The following ACSBG1 variants were observed in gnomAD, a reference collection of about 807,000 sequenced individuals.
The protein encoded by ACSBG1 is long-chain-fatty-acid--CoA ligase ACSBG1.
Under a neutral mutation model 80.2 loss-of-function variants are expected in ACSBG1, and 39 were observed. The ratio of observed to expected loss-of-function variants is 0.49; its 90% CI spans 0.38 to 0.64. ACSBG1 has a LOEUF of 0.64. Among genes scored for constraint, ACSBG1 ranks in the 30% least tolerant of loss-of-function variants. ACSBG1 has a pLI of 0.00. For synonymous variants in ACSBG1, 392 were observed against 379.5 expected, an observed-to-expected ratio of 1.03 and a Z score of -0.38; for missense variants, 828 against 966.4, an observed-to-expected ratio of 0.86 and a Z score of 1.90.
intron 1 of ACSBG1, among the ~76,000 whole-genome samples, chr15:78,229,487 T>C (rs1425097610): frequency 6.6e-6 from 1 of 152,158 alleles, no homozygotes; most frequent in Non-Finnish European, 1.5e-5. Flanking sequence ...GCACTCTCTG[T>C]CATCCTGGGA....
intron 10 of ACSBG1, 73 bp downstream of exon 10, chr15:78,179,477 C>T: frequency 1.4e-6 from 2 of 1,387,246 alleles, no homozygotes; most frequent in Non-Finnish European, 2.0e-6. Flanking sequence ...ATCCCCAGGG[C>T]ACTCAGCAGG....
At chr15:78,210,101 CG>C (rs1269303969) in intron 1 of ACSBG1, among the ~76,000 whole-genome samples, 3 of 152,196 alleles carry the variant, frequency 2.0e-5, no homozygotes. Flanking sequence ...CTTCTTGCTG[CG>C]GGTGGGTGCC....
chr15:78,171,442 G>T lies in ACSBG1; in HGVS notation c.*2C>A. 6.2e-7 allele frequency: 1 copy of T among 1,613,340 alleles called. No individual in the cohort carries two copies. Among genetic ancestry groups the T allele is most frequent in the South Asian group, 1.1e-5 (1 of 91,034 alleles). ...TATAGAAACTGCAGGCATAGGCCCT[G>T]ATTACATTTTTTGCTCTTGGTAAAA... On this transcript the variant is annotated 3_prime_UTR_variant, in exon 14 of 14. Transcript: ENST00000258873.
chr15:78,221,531 T>G (rs943980555), intron 1 of ACSBG1, among the ~76,000 whole-genome samples: 4 of 152,118 alleles, frequency 2.6e-5, no homozygotes, highest in Non-Finnish European at 5.9e-5. Flanking sequence ...ACACGAGACA[T>G]TCCATTCCCA....
At position 78,169,013 on chromosome 15, in the gene ACSBG1, A is replaced by G; in HGVS notation, c.*2431T>C. 1 of 1,565,146 alleles carries G rather than the reference A, an allele frequency of 6.4e-7. No individual in the cohort carries two copies. Among genetic ancestry groups the G allele is most frequent in the Non-Finnish European group, 8.8e-7 (1 of 1,138,124 alleles). On this transcript the variant is annotated 3_prime_UTR_variant, in exon 14 of 14. Transcript: ENST00000258873. Reference sequence around the variant, plus strand: ...GTAAAAGATTTAGATTAACACTTCTACAACTGGCATTTACATCAGTCACTC... The same window carrying G: ...GTAAAAGATTTAGATTAACACTTCTGCAACTGGCATTTACATCAGTCACTC...
intron 2 of ACSBG1, among the ~76,000 whole-genome samples, chr15:78,195,169 C>T (rs758993361): frequency 5.3e-5 from 8 of 152,144 alleles, no homozygotes; most frequent in Non-Finnish European, 8.8e-5. Context: ...ACGACCCTCC[C>T]GAGGGTCTGG....
At chr15:78,182,232 C>A in intron 7 of ACSBG1, 87 bp from the exon 8 acceptor site, 4 of 1,505,850 alleles carry the variant, frequency 2.7e-6, no homozygotes, top group Non-Finnish European at 3.6e-6. Context: ...GGGCCAGCCC[C>A]AGTGTGGTGC....
chr15:78,189,276 A>C (rs889427817), intron 5 of ACSBG1, among the ~76,000 whole-genome samples: 7 of 150,456 alleles, frequency 4.7e-5, no homozygotes, highest in Admixed American at 3.3e-4. Context: ...TTCCTCAGGG[A>C]TCTAGAACTA....
At chr15:78,193,771 C>T in intron 4 of ACSBG1, 145 bp from the exon 5 acceptor site, 1 of 1,447,686 alleles carries the variant, frequency 6.9e-7, no homozygotes. Context: ...CACCTCCTCC[C>T]CTGCAGAGAG....
intron 1 of ACSBG1, among the ~76,000 whole-genome samples, chr15:78,228,388 A>G (rs772329480): frequency 6.6e-6 from 1 of 152,164 alleles, no homozygotes; most frequent in Non-Finnish European, 1.5e-5. Flanking sequence ...TAGATTGATA[A>G]TATGTGAATG....
Position 78,200,537 on chromosome 15 carries a change from C to T in ACSBG1, c.233-5811G>A, listed in dbSNP as rs544205233. Among the ~76,000 whole-genome samples, 5 of 152,342 alleles carry T rather than the reference C, an allele frequency of 3.3e-5. No homozygotes were observed. In the East Asian group the frequency reaches 5.8e-4, roughly 18 times the overall value. On this transcript the variant is annotated intron_variant, in intron 2 of 13. Transcript: ENST00000258873. ...GCGCCATGCCATTCTTTGCCCATCA[C>T]CACTGTCACCTCCCAACTAAAGAGT... is the stretch of plus-strand genomic sequence containing the variant.
chr15:78,180,676 G>C, intron 9 of ACSBG1, 79 bp downstream of exon 9: 1 of 1,532,290 alleles, frequency 6.5e-7, no homozygotes, highest in East Asian at 2.3e-5. Context: ...CAGGCATGGC[G>C]TATCAGACCC....
chr15:78,206,593 A>G (rs1013893313), intron 2 of ACSBG1, among the ~76,000 whole-genome samples: 1 of 152,000 alleles, frequency 6.6e-6, no homozygotes, highest in African/African-American at 2.4e-5. Context: ...TTGCCCACCC[A>G]GGCCCTGCCT....
chr15:78,190,174 C>T (rs541425111), intron 5 of ACSBG1, among the ~76,000 whole-genome samples: 2 of 152,000 alleles, frequency 1.3e-5, no homozygotes, highest in South Asian at 2.1e-4. Flanking sequence ...TTTGGGAAGC[C>T]GAGGTGGGCA....
chr15:78,179,644 G>A lies in ACSBG1; in HGVS notation c.1390C>T (p.Leu464=), dbSNP rs773615841. The change falls in exon 10 of 14, where the codon CTG becomes TTG. Residue 464 remains leucine, a synonymous_variant. Transcript: ENST00000258873. ...PMMAETQHFF[L]GLNIRLYAGY... ...GCATACAAGCGGATGTTGAGACCCA[G>A]GAAGAAGTGCTGTGTCTCTGCCATC... 1.2e-6 allele frequency: 2 copies of A among 1,614,200 alleles called. No individual in the cohort carries two copies.
chr15:78,174,704 G>GCCAC, intron 11 of ACSBG1, 180 bp from the exon 12 acceptor site: 1 of 655,352 alleles, frequency 1.5e-6, no homozygotes, highest in Non-Finnish European at 2.5e-6. Flanking sequence ...GGGGCTGGTG[G>GCCAC]CAGCACCCCG....
chr15:78,194,680 G>T lies in ACSBG1; in HGVS notation c.279C>A (p.Arg93=), dbSNP rs769158131. The change falls in exon 3 of 14, where the codon CGC becomes CGA. Residue 93 remains arginine (R), a synonymous_variant. Coordinates refer to ENST00000258873, the MANE Select transcript of ACSBG1 (RefSeq NM_015162.5). ...TTRADGRVRL[R]IDPSCPQLPY... ...GAAGCTGTGGGCAGCTGGGGTCTAT[G>T]CGCAGGCGCACCCGCCCATCGGCCC... 8.6e-5 allele frequency: 138 copies of T among 1,613,666 alleles called. No homozygotes were observed. Among genetic ancestry groups the T allele is most frequent in the Non-Finnish European group, 1.1e-4 (131 of 1,179,954 alleles).
At position 78,178,847 on chromosome 15, in the gene ACSBG1, C is replaced by T; in HGVS notation, c.1485-16G>A. 6.3e-7 allele frequency: 1 copy of T among 1,594,340 alleles called. No homozygotes were observed. Among genetic ancestry groups the T allele is most frequent in the Non-Finnish European group, 8.5e-7 (1 of 1,173,250 alleles). On this transcript the variant is annotated splice_polypyrimidine_tract_variant and intron_variant, in intron 10 of 13. Coordinates refer to ENST00000258873, the MANE Select transcript of ACSBG1 (RefSeq NM_015162.5). The surrounding 1 kb of genome is among the most constrained non-coding windows in gnomAD (Gnocchi z 4.3). ...CTTGCCTGAGCTGGCGAGGGAGGGG[C>T]CGGGAGACTGGTCAGAGGGAGCCGT...
chr15:78,223,327 C>T (rs896519672), intron 1 of ACSBG1, among the ~76,000 whole-genome samples: 19 of 152,106 alleles, frequency 1.2e-4, no homozygotes, highest in Non-Finnish European at 1.5e-4. Flanking sequence ...AGCTAATGCA[C>T]GCTGGGCTTA....
Sources: allele counts gnomAD v4.1 joint callset (sites outside exome capture counted in the v4.1 genomes callset), GRCh38; gene constraint gnomAD v4.1.1; non-coding constraint Gnocchi (gnomAD v3.1); transcripts MANE v1.5; gene names NCBI Gene and HGNC (gene_info 2026-07-23, HGNC 2026-07-21).